EDN1: variants seen among roughly 807,000 people sequenced by gnomAD.
EDN1 encodes the protein endothelin-1.
In EDN1, 11 loss-of-function variants were observed where a neutral mutation model predicts 21.7. That is an observed-to-expected ratio of 0.51 (90% CI 0.32 to 0.84). EDN1 has a LOEUF of 0.84. Among genes scored for constraint, EDN1 ranks in the 40% least tolerant of loss-of-function variants. The pLI is 0.03. For synonymous variants in EDN1, 85 were observed against 90.6 expected, an observed-to-expected ratio of 0.94 and a Z score of 0.35; for missense variants, 244 against 262.3, an observed-to-expected ratio of 0.93 and a Z score of 0.48.
At chr6:12,282,206 T>A in the EDN1 span, among the ~76,000 whole-genome samples, 1 of 152,094 alleles carries the variant, frequency 6.6e-6, no homozygotes, top group South Asian at 2.1e-4. Context: ...TGGGAGAGAA[T>A]TGGGAAAAAT....
At chr6:12,269,882 A>T in the EDN1 span, among the ~76,000 whole-genome samples, 1 of 152,024 alleles carries the variant, frequency 6.6e-6, no homozygotes, top group African/African-American at 2.4e-5. Flanking sequence ...AAAAGAATTG[A>T]TGTTCATTTA....
the EDN1 span, among the ~76,000 whole-genome samples, chr6:12,230,564 A>G: frequency 1.1e-4 from 16 of 152,256 alleles, no homozygotes; most frequent in Non-Finnish European, 2.2e-4. Context: ...ACCACCAACA[A>G]AAAGCATAAA....
At chr6:12,278,961 A>C in the EDN1 span, among the ~76,000 whole-genome samples, 1 of 152,124 alleles carries the variant, frequency 6.6e-6, no homozygotes, top group African/African-American at 2.4e-5. Flanking sequence ...GAAGTTTAGC[A>C]CTTGGCTTAT....
At chr6:12,286,853 C>T (rs1007966807), upstream of EDN1, among the ~76,000 whole-genome samples, 12 of 152,166 alleles carry the variant, frequency 7.9e-5, no homozygotes, top group African/African-American at 2.7e-4. Flanking sequence ...GTGGCTCACG[C>T]CTGTAATCAC....
the EDN1 span, among the ~76,000 whole-genome samples, chr6:12,253,801 G>A: frequency 6.6e-6 from 1 of 152,028 alleles, no homozygotes; most frequent in South Asian, 2.1e-4. Flanking sequence ...TTGTCCTACT[G>A]CCCCCAAAGC....
chr6:12,274,536 G>C, the EDN1 span, among the ~76,000 whole-genome samples: 2 of 152,160 alleles, frequency 1.3e-5, no homozygotes, highest in African/African-American at 4.8e-5. Flanking sequence ...CCCCCAATTA[G>C]AATATGAGAA....
At chr6:12,263,070 T>G in the EDN1 span, among the ~76,000 whole-genome samples, 1 of 152,196 alleles carries the variant, frequency 6.6e-6, no homozygotes, top group Non-Finnish European at 1.5e-5. Flanking sequence ...GACACATAAC[T>G]GTGAAGACAG....
chr6:12,240,579 T>A, the EDN1 span, among the ~76,000 whole-genome samples: 1 of 152,262 alleles, frequency 6.6e-6, no homozygotes, highest in South Asian at 2.1e-4. Context: ...TCAGACCTGA[T>A]AAAGAGCATG....
At chr6:12,269,935 C>T in the EDN1 span, among the ~76,000 whole-genome samples, 4 of 151,872 alleles carry the variant, frequency 2.6e-5, no homozygotes, top group African/African-American at 4.8e-5. Context: ...CCACTTGGTC[C>T]GGGGCTTTTC....
Position 12,290,445 on chromosome 6 carries a change from C to A in EDN1, c.-185C>A. On this transcript the variant is annotated 5_prime_UTR_variant, in exon 1 of 5. Coordinates refer to ENST00000379375, the MANE Select transcript of EDN1 (RefSeq NM_001955.5). ...CTCCACCGCCGCGTGCGCCTGCAGA[C>A]GCTCCGCTCGCTGCCTTCTCTCCTG... 1.6e-6 allele frequency: 1 copy of A among 615,430 alleles called. No individual in the cohort carries two copies. The highest frequency in any genetic ancestry group is 2.8e-5 in the East Asian group (1 of 35,396). 38.1% of individuals were successfully genotyped at this position (615,430 alleles called of 1,614,324 possible).
chr6:12,241,110 A>G, the EDN1 span, among the ~76,000 whole-genome samples: 45,590 of 151,292 alleles, frequency 0.3, 8,433 homozygotes, highest in South Asian at 0.47. Context: ...CTCTTGGAAG[A>G]CATTTACACT....
the EDN1 span, among the ~76,000 whole-genome samples, chr6:12,247,778 A>G: frequency 6.6e-6 from 1 of 151,968 alleles, no homozygotes; most frequent in Non-Finnish European, 1.5e-5. Context: ...ACCTCAGGTG[A>G]TCCACCTGCT....
chr6:12,293,904 TA>T, intron 2 of EDN1, 36 bp from the exon 3 acceptor site: 2 of 1,607,680 alleles, frequency 1.2e-6, no homozygotes, highest in Non-Finnish European at 1.7e-6. Flanking sequence ...GACTATTAAT[TA>T]CACTAATATA....
the EDN1 span, among the ~76,000 whole-genome samples, chr6:12,244,491 C>T: frequency 2.0e-5 from 3 of 152,158 alleles, no homozygotes; most frequent in Admixed American, 6.5e-5. Flanking sequence ...TTTTCAGCAA[C>T]GAATAATGTT....
At chr6:12,283,666 A>G in the EDN1 span, among the ~76,000 whole-genome samples, 4 of 152,216 alleles carry the variant, frequency 2.6e-5, no homozygotes, top group African/African-American at 7.2e-5. Flanking sequence ...CTTGAGAATC[A>G]TATGTGAAAA....
At chr6:12,249,301 G>A in the EDN1 span, among the ~76,000 whole-genome samples, 1 of 152,100 alleles carries the variant, frequency 6.6e-6, no homozygotes, top group Admixed American at 6.6e-5. Flanking sequence ...GCTTTGTTTT[G>A]CAATACTATG....
chr6:12,257,882 T>A, the EDN1 span, among the ~76,000 whole-genome samples: 1 of 152,170 alleles, frequency 6.6e-6, no homozygotes, highest in African/African-American at 2.4e-5. Flanking sequence ...GTCCCAGTCG[T>A]CCCAGTCTAG....
the EDN1 span, among the ~76,000 whole-genome samples, chr6:12,244,552 T>C: frequency 1.3e-5 from 2 of 152,232 alleles, no homozygotes; most frequent in Admixed American, 6.5e-5. Context: ...AAGAAAAAGT[T>C]TGTCAAATAG....
At chr6:12,258,469 A>AAAAAAAAAAAAAAAAAAAAAAAAC in the EDN1 span, among the ~76,000 whole-genome samples, 1 of 151,324 alleles carries the variant, frequency 6.6e-6, no homozygotes, top group African/African-American at 2.4e-5. Flanking sequence ...AAAAAAAAAA[A>AAAAAAAAAAAAAAAAAAAAAAAAC]AAGCCAATTA....
Sources: gnomAD v4.1 joint callset for allele counts (sites outside exome capture counted in the v4.1 genomes callset) on GRCh38, gnomAD v4.1.1 for gene constraint, MANE v1.5 for transcripts, NCBI Gene and HGNC (gene_info 2026-07-23, HGNC 2026-07-21) for gene names.